SFPQ: variants seen among roughly 807,000 people sequenced by gnomAD.
The protein encoded by SFPQ is splicing factor, proline- and glutamine-rich.
A neutral mutation model predicts 72.9 loss-of-function variants in SFPQ; 11 were observed. The observed-to-expected ratio is 0.15, with a 90% CI of 0.09 to 0.25. The LOEUF is 0.25. Ranked by LOEUF, SFPQ falls within the 10% of genes least tolerant of loss-of-function variation. SFPQ has a pLI of 1.00. For missense variants in SFPQ, 847 were observed against 993.3 expected, an observed-to-expected ratio of 0.85 and a Z score of 1.98; for synonymous variants, 506 against 367.3, an observed-to-expected ratio of 1.38 and a Z score of -4.32.
rs796763714 is a variant in SFPQ at position 35,184,153 on chromosome 1, TAAAAAA to T, written c.*297_*302del. On this transcript the variant is annotated 3_prime_UTR_variant, in exon 10 of 10. Transcript: ENST00000357214. Reference sequence around the variant, plus strand: ...ATTTTTCTATTTATTTGAAGCACAGTAAAAAAAAAAAAATTGGTACACTTTGGAAAT... The same window carrying T: ...ATTTTTCTATTTATTTGAAGCACAGTAAAAAAATTGGTACACTTTGGAAAT... 2.2e-6 allele frequency: 2 copies of T among 906,686 alleles called. No homozygotes were observed. The highest frequency in any genetic ancestry group is 2.7e-6 in the Non-Finnish European group (2 of 732,712). 56.2% of individuals were successfully genotyped at this position (906,686 alleles called of 1,614,324 possible). A position where few individuals can be genotyped will look rare whatever the true frequency, so the allele number is the denominator to read the frequency against.
rs537045387 is a variant in SFPQ, at chr1:35,183,016, A to G, written c.*1440T>C. The G allele has an allele frequency of 1.3e-4, 138 of 1,036,858 alleles. No individual in the cohort carries two copies. In the South Asian group the frequency reaches 5.5e-3, roughly 41 times the overall value. The allele number at this position is 1,036,858 out of a possible 1,614,324, so 64.2% of individuals were successfully genotyped here. A position where few individuals can be genotyped will look rare whatever the true frequency, so the allele number is the denominator to read the frequency against. Reference sequence around the variant, plus strand: ...CAACTTTCTCCAGATTTAGTGCTACATGAAAACGAAACTATGTGAAAACAA... The same window carrying G: ...CAACTTTCTCCAGATTTAGTGCTACGTGAAAACGAAACTATGTGAAAACAA... On this transcript the variant is annotated 3_prime_UTR_variant, in exon 10 of 10. Coordinates refer to ENST00000357214, the MANE Select transcript of SFPQ (RefSeq NM_005066.3).
chr1:35,189,681 G>A (rs894136907), intron 4 of SFPQ, among the ~76,000 whole-genome samples: 1 of 152,114 alleles, frequency 6.6e-6, no homozygotes, highest in African/African-American at 2.4e-5. Flanking sequence ...ACACGCGGTG[G>A]CTCACCCCTG....
chr1:35,189,424 G>C (rs1395804150), intron 4 of SFPQ, 42 bp from the exon 5 acceptor site: 16 of 1,480,128 alleles, frequency 1.1e-5, no homozygotes, highest in Non-Finnish European at 1.4e-5. Flanking sequence ...ATTTGTGAAT[G>C]CATACCAGAA....
intron 9 of SFPQ, among the ~76,000 whole-genome samples, chr1:35,186,531 C>CA (rs1206868491): frequency 2.0e-5 from 3 of 152,190 alleles, no homozygotes; most frequent in Admixed American, 1.3e-4. Flanking sequence ...ATAGAAGCCA[C>CA]ACCAAATATA....
chr1:35,189,642 T>C (rs910538053), intron 4 of SFPQ, among the ~76,000 whole-genome samples: 2 of 152,096 alleles, frequency 1.3e-5, no homozygotes, highest in African/African-American at 4.8e-5. Context: ...AGGCTTATTT[T>C]TTCCACCCAT....
chr1:35,180,034 T>C, downstream of SFPQ: 1 of 1,054,804 alleles, frequency 9.5e-7, no homozygotes, highest in Non-Finnish European at 1.1e-6. Flanking sequence ...AGTTGTTTGC[T>C]TGAATGGACT....
At chr1:35,190,376 A>T in intron 4 of SFPQ, 122 bp downstream of exon 4, 1 of 663,888 alleles carries the variant, frequency 1.5e-6, no homozygotes, top group Non-Finnish European at 2.6e-6. Context: ...GAGATTTTTT[A>T]CTAATAAGCA....
At position 35,184,112 on chromosome 1, in the gene SFPQ, G is replaced by T; in HGVS notation, c.*344C>A. 2 of 1,121,824 alleles carry T rather than the reference G, an allele frequency of 1.8e-6. No homozygotes were observed. Among genetic ancestry groups the T allele is most frequent in the Non-Finnish European group, 2.2e-6 (2 of 917,538 alleles). The allele number at this position is 1,121,824 out of a possible 1,614,324, so 69.5% of individuals were successfully genotyped here. A position where few individuals can be genotyped will look rare whatever the true frequency, so the allele number is the denominator to read the frequency against. On this transcript the variant is annotated 3_prime_UTR_variant, in exon 10 of 10. Coordinates refer to ENST00000357214, the MANE Select transcript of SFPQ (RefSeq NM_005066.3). ...TAGAAGCATGAATGGCAAAGTTGAA[G>T]ATCAATATTATAACTATTTTTCTAT...
rs1400387846 is a variant in SFPQ at position 35,184,048 on chromosome 1, T to C, written c.*408A>G. On this transcript the variant is annotated 3_prime_UTR_variant, in exon 10 of 10. Transcript: ENST00000357214. ...ATATGCCATTCAAAGGCCTAGACAC[T>C]CTCATGCTTTCAATGTGGAATACGT... 1 of 1,072,498 alleles carries C rather than the reference T, an allele frequency of 9.3e-7. No homozygotes were observed. The highest frequency in any genetic ancestry group is 5.3e-5 in the East Asian group (1 of 19,020). 66.4% of individuals were successfully genotyped at this position (1,072,498 alleles called of 1,614,324 possible). A position where few individuals can be genotyped will look rare whatever the true frequency, so the allele number is the denominator to read the frequency against.
intron 9 of SFPQ, 107 bp from the exon 10 acceptor site, chr1:35,184,700 A>T: frequency 7.1e-7 from 1 of 1,400,194 alleles, no homozygotes; most frequent in South Asian, 1.8e-5. Context: ...ACAATCACCA[A>T]TGAGTCGATC....
chr1:35,185,000 CAG>C (rs1162010180), intron 9 of SFPQ, among the ~76,000 whole-genome samples: 3 of 152,210 alleles, frequency 2.0e-5, no homozygotes, highest in Non-Finnish European at 4.4e-5. Flanking sequence ...CAAGCCCAAC[CAG>C]AGATTCAATT....
Position 35,187,730 on chromosome 1 carries a change from CA to C in SFPQ, c.1815+242del, listed in dbSNP as rs370666545. On this transcript the variant is annotated intron_variant, in intron 7 of 9. Transcript: ENST00000357214. Reference sequence around the variant, plus strand: ...TGGGTGACAAGAGCAAAACTCTCTCCAAAAAAAAAACCAAACAAACAAAAAA... The same window carrying C: ...TGGGTGACAAGAGCAAAACTCTCTCCAAAAAAAAACCAAACAAACAAAAAA... 3.3e-3 allele frequency among the ~76,000 whole-genome samples: 465 copies of C among 139,252 alleles called. 1 individual carries two copies. The highest frequency in any genetic ancestry group is 0.011 in the African/African-American group (434 of 37,878). The allele number at this position is 139,252 out of a possible 152,430, so 91.4% of individuals were successfully genotyped here. A position where few individuals can be genotyped will look rare whatever the true frequency, so the allele number is the denominator to read the frequency against.
chr1:35,191,249 C>T (rs138745725), intron 2 of SFPQ, 92 bp downstream of exon 2: 9 of 1,068,554 alleles, frequency 8.4e-6, no homozygotes, highest in African/African-American at 1.6e-5. Context: ...ATTTATCCTC[C>T]CCAGTTTAAA....
In SFPQ at chr1:35,189,207, G is replaced by T; in HGVS notation, c.1591C>A (p.Gln531Lys). ...TTACCTTGGCGCAAAAGATTTGCCT[G>T]ATGTTCATGATAGGCATCTTCCATT... Reference protein sequence around the residue: ...SEMEDAYHEHQANLLRQDLMR... With the variant: ...SEMEDAYHEHKANLLRQDLMR... Residue 531 changes from glutamine (Q) to lysine (K), a missense_variant, in exon 5 of 10, where the codon CAG becomes AAG. By Grantham distance (53) the Gln-to-Lys change is moderately conservative. This residue lies in a region of SFPQ where 132 missense variants were observed against 255.4 expected (regional missense o/e 0.52). Coordinates refer to ENST00000357214, the MANE Select transcript of SFPQ (RefSeq NM_005066.3). 1 of 1,613,908 alleles carries T rather than the reference G, an allele frequency of 6.2e-7. No individual in the cohort carries two copies. Among genetic ancestry groups the T allele is most frequent in the South Asian group, 1.1e-5 (1 of 91,068 alleles).
intron 6 of SFPQ, 70 bp from the exon 7 acceptor site, chr1:35,188,160 T>C: frequency 8.4e-7 from 1 of 1,193,916 alleles, no homozygotes; most frequent in South Asian, 1.2e-5. Flanking sequence ...TGAAGAAACC[T>C]AGCAGTTGAC....
chr1:35,183,097 T>C lies in SFPQ; in HGVS notation c.*1359A>G. Reference sequence around the variant, plus strand: ...AACCCTATTTGTTAACAATCACCACTAGCTCTTAGAAGAGAACCAATAGAT... The same window carrying C: ...AACCCTATTTGTTAACAATCACCACCAGCTCTTAGAAGAGAACCAATAGAT... On this transcript the variant is annotated 3_prime_UTR_variant, in exon 10 of 10. Coordinates refer to ENST00000357214, the MANE Select transcript of SFPQ (RefSeq NM_005066.3). The C allele has an allele frequency of 9.7e-7, 1 of 1,028,650 alleles. No homozygotes were observed. The highest frequency in any genetic ancestry group is 1.2e-6 in the Non-Finnish European group (1 of 857,646). 63.7% of individuals were successfully genotyped at this position (1,028,650 alleles called of 1,614,324 possible).
At chr1:35,186,980 A>AC in intron 9 of SFPQ, 21 bp downstream of exon 9, 3 of 1,600,294 alleles carry the variant, frequency 1.9e-6, no homozygotes, top group Non-Finnish European at 2.6e-6. Flanking sequence ...CCTTGGTACT[A>AC]CGTCCCACAG....
rs1473504096 is a variant in SFPQ at position 35,184,008 on chromosome 1, T to C, written c.*448A>G. 4.7e-6 allele frequency: 5 copies of C among 1,057,346 alleles called. No homozygotes were observed. The African/African-American group carries it at 8.3e-5, about 17-fold the overall frequency. The allele number at this position is 1,057,346 out of a possible 1,614,324, so 65.5% of individuals were successfully genotyped here. On this transcript the variant is annotated 3_prime_UTR_variant, in exon 10 of 10. Coordinates refer to ENST00000357214, the MANE Select transcript of SFPQ (RefSeq NM_005066.3). The stretch of plus-strand genomic sequence containing the variant: ...AAGCAATACTTAGCCTCCAGATGCA[T>C]TTCCCAGAAATGGCATATGCCATTC...
Position 35,184,743 on chromosome 1 carries a change from G to C in SFPQ, c.1987-150C>G. 2.5e-6 allele frequency: 3 copies of C among 1,190,926 alleles called. No homozygotes were observed. In the South Asian group the frequency reaches 7.0e-5, roughly 28 times the overall value. The allele number at this position is 1,190,926 out of a possible 1,614,324, so 73.8% of individuals were successfully genotyped here. A position where few individuals can be genotyped will look rare whatever the true frequency, so the allele number is the denominator to read the frequency against. On this transcript the variant is annotated intron_variant, in intron 9 of 9. Coordinates refer to ENST00000357214, the MANE Select transcript of SFPQ (RefSeq NM_005066.3). ...ACCGGGAACATAGAAAGGAAAAAAG[G>C]GTAATTTGAAAATTAGTTTACGGTA...
Sources: gnomAD v4.1 joint callset for allele counts (sites outside exome capture counted in the v4.1 genomes callset) on GRCh38, gnomAD v4.1.1 for gene constraint, gnomAD v4.1.1 regional missense constraint, MANE v1.5 for transcripts, NCBI Gene and HGNC (gene_info 2026-07-23, HGNC 2026-07-21) for gene names.